C8orf34: variants seen among roughly 807,000 people sequenced by gnomAD.
C8orf34 encodes the protein uncharacterized protein C8orf34.
In C8orf34, 65 loss-of-function variants were observed where a neutral mutation model predicts 68.3. The observed-to-expected ratio is 0.95, with a 90% CI of 0.78 to 1.17. The LOEUF (loss-of-function observed/expected upper bound fraction) is 1.17, where lower values mean the gene tolerates loss of function less well. Among genes scored for constraint, C8orf34 ranks in the 50% most tolerant of loss-of-function variants. The pLI is 0.00. For missense variants in C8orf34, 664 were observed against 655.4 expected, an observed-to-expected ratio of 1.01 and a Z score of -0.14; for synonymous variants, 244 against 241.2, an observed-to-expected ratio of 1.01 and a Z score of -0.11.
At chr8:68,357,350 T>C (rs1466858108) in intron 1 of C8orf34, among the ~76,000 whole-genome samples, 1 of 152,156 alleles carries the variant, frequency 6.6e-6, no homozygotes, top group Admixed American at 6.6e-5. Flanking sequence ...GCTCTCAGAC[T>C]TTCCATAGCT....
chr8:68,553,000 A>C (rs1288709572), intron 7 of C8orf34, among the ~76,000 whole-genome samples: 1 of 151,904 alleles, frequency 6.6e-6, no homozygotes, highest in Non-Finnish European at 1.5e-5. Flanking sequence ...CGTCTATAAG[A>C]GATATTGTTG....
chr8:68,751,668 T>C (rs72668511), intron 10 of C8orf34, among the ~76,000 whole-genome samples: 3,767 of 152,154 alleles, frequency 0.025, 81 homozygotes, highest in Non-Finnish European at 0.038. Context: ...CCAATAGTTG[T>C]TAGAAAAACA....
At chr8:68,547,535 A>G (rs1815924632) in intron 7 of C8orf34, among the ~76,000 whole-genome samples, 1 of 151,832 alleles carries the variant, frequency 6.6e-6, no homozygotes, top group African/African-American at 2.4e-5. Flanking sequence ...TTTGAAAACC[A>G]CCATAGCTGA....
At chr8:68,702,905 C>A (rs1007248952) in intron 8 of C8orf34, among the ~76,000 whole-genome samples, 12 of 152,124 alleles carry the variant, frequency 7.9e-5, no homozygotes, top group African/African-American at 2.9e-4. Flanking sequence ...CTTTACTGAT[C>A]CTTTTAGCCC....
intron 7 of C8orf34, among the ~76,000 whole-genome samples, chr8:68,550,078 A>G (rs1816015074): frequency 6.6e-6 from 1 of 151,814 alleles, no homozygotes; most frequent in Non-Finnish European, 1.5e-5. Flanking sequence ...AACCATTAAC[A>G]TTTAAAGTAA....
At chr8:68,533,245 G>T in intron 7 of C8orf34, 96 bp downstream of exon 7, 1 of 1,447,588 alleles carries the variant, frequency 6.9e-7, no homozygotes, top group Non-Finnish European at 9.1e-7. Flanking sequence ...GAATAGCCTT[G>T]TCTTAGGGAA....
At chr8:68,729,390 CTT>C (rs1414250320) in intron 10 of C8orf34, among the ~76,000 whole-genome samples, 1 of 152,146 alleles carries the variant, frequency 6.6e-6, no homozygotes, top group East Asian at 1.9e-4. Flanking sequence ...CTTAAAGAAA[CTT>C]TGGCAATCTG....
At chr8:68,613,669 T>A (rs537177163) in intron 7 of C8orf34, among the ~76,000 whole-genome samples, 28 of 151,828 alleles carry the variant, frequency 1.8e-4, no homozygotes, top group Admixed American at 8.5e-4. Flanking sequence ...TGTGCCACAT[T>A]TTCTTAATCC....
chr8:68,738,777 A>G (rs1410632542), intron 10 of C8orf34, among the ~76,000 whole-genome samples: 1 of 152,196 alleles, frequency 6.6e-6, no homozygotes, highest in Admixed American at 6.5e-5. Flanking sequence ...AAGCTCTGAT[A>G]TTGAATCAGT....
At chr8:68,492,292 C>T (rs546019857) in intron 5 of C8orf34, among the ~76,000 whole-genome samples, 12 of 152,180 alleles carry the variant, frequency 7.9e-5, no homozygotes, top group South Asian at 2.1e-4. Flanking sequence ...TGCAGTGCTG[C>T]GATCATAGCT....
At chr8:68,455,259 G>A (rs1811498648) in intron 3 of C8orf34, among the ~76,000 whole-genome samples, 1 of 152,072 alleles carries the variant, frequency 6.6e-6, no homozygotes, top group Admixed American at 6.5e-5. Flanking sequence ...AGGTCTTACT[G>A]GTTTACAGTG....
intron 7 of C8orf34, among the ~76,000 whole-genome samples, chr8:68,640,109 G>A (rs1428225333): frequency 2.6e-5 from 4 of 152,192 alleles, no homozygotes. Context: ...TTGTGTGTCA[G>A]TGGTCTGTGG....
At chr8:68,449,048 TTGAC>T (rs1393412128) in intron 3 of C8orf34, among the ~76,000 whole-genome samples, 5 of 152,024 alleles carry the variant, frequency 3.3e-5, no homozygotes, top group African/African-American at 9.7e-5. Context: ...ACAGAATAAA[TTGAC>T]TGAAAAAATT....
intron 7 of C8orf34, among the ~76,000 whole-genome samples, chr8:68,554,561 T>C (rs1465115786): frequency 6.6e-6 from 1 of 152,154 alleles, no homozygotes; most frequent in Non-Finnish European, 1.5e-5. Context: ...AATTATACAA[T>C]AGTTTAAAAG....
At chr8:68,735,941 A>C (rs1416892470) in intron 10 of C8orf34, among the ~76,000 whole-genome samples, 1 of 152,192 alleles carries the variant, frequency 6.6e-6, no homozygotes. Flanking sequence ...TTGTGACTTT[A>C]GGTTCAACAA....
At chr8:68,721,492 T>C (rs1233860693) in intron 10 of C8orf34, 55 bp downstream of exon 10, 2 of 1,120,750 alleles carry the variant, frequency 1.8e-6, no homozygotes, top group African/African-American at 1.6e-5. Flanking sequence ...TTTAAATTAC[T>C]AGTAGGTAAA....
intron 9 of C8orf34, among the ~76,000 whole-genome samples, chr8:68,712,769 G>A (rs1354585560): frequency 6.6e-6 from 1 of 152,052 alleles, no homozygotes; most frequent in Non-Finnish European, 1.5e-5. Flanking sequence ...CCCACTGACA[G>A]CACTAGACAG....
chr8:68,700,386 G>T (rs956210803), intron 8 of C8orf34, among the ~76,000 whole-genome samples: 1 of 152,058 alleles, frequency 6.6e-6, no homozygotes, highest in Non-Finnish European at 1.5e-5. Context: ...AGCGAAGAGC[G>T]AGACGGAGTT....
At chr8:68,419,718 T>G (rs986482520) in intron 1 of C8orf34, among the ~76,000 whole-genome samples, 1 of 150,998 alleles carries the variant, frequency 6.6e-6, no homozygotes, top group African/African-American at 2.4e-5. Context: ...CTCAGTAAAC[T>G]ATCGCAAGAA....
Sources: allele counts gnomAD v4.1 joint callset (sites outside exome capture counted in the v4.1 genomes callset), GRCh38; gene constraint gnomAD v4.1.1; transcripts MANE v1.5; gene names NCBI Gene and HGNC (gene_info 2026-07-23, HGNC 2026-07-21).